Variants in PLCB4 observed in about 807,000 individuals in gnomAD.
PLCB4 encodes the protein phospholipase C beta 4.
Under a neutral mutation model 178.8 loss-of-function variants are expected in PLCB4, and 77 were observed. That is an observed-to-expected ratio of 0.43 (90% CI 0.36 to 0.52). The LOEUF is 0.52. Among genes scored for constraint, PLCB4 ranks in the 20% least tolerant of loss-of-function variants. The probability of loss-of-function intolerance (pLI) is 0.00; values close to 1 mark genes in which losing one functional copy is unlikely to be tolerated. For synonymous variants in PLCB4, 496 were observed against 490.8 expected, an observed-to-expected ratio of 1.01 and a Z score of -0.14; for missense variants, 1,024 against 1,453.4, an observed-to-expected ratio of 0.70 and a Z score of 4.80.
At chr20:9,149,028 A>T (rs1177431590) in intron 2 of PLCB4, among the ~76,000 whole-genome samples, 2 of 152,138 alleles carry the variant, frequency 1.3e-5, no homozygotes, top group African/African-American at 4.8e-5. Context: ...GTTTGTTTTC[A>T]GAGGGTTCCC....
intron 2 of PLCB4, among the ~76,000 whole-genome samples, chr20:9,155,372 C>G (rs2092770922): frequency 6.6e-6 from 1 of 152,080 alleles, no homozygotes; most frequent in Non-Finnish European, 1.5e-5. Flanking sequence ...TAGGTTGGTT[C>G]CACATCTTTG....
At chr20:9,255,152 G>T (rs566473974) in intron 3 of PLCB4, among the ~76,000 whole-genome samples, 2 of 152,146 alleles carry the variant, frequency 1.3e-5, no homozygotes, top group Admixed American at 1.3e-4. Context: ...TTAATGGTGC[G>T]CTCACCAATA....
chr20:9,145,421 CA>C (rs2092579299), intron 2 of PLCB4, among the ~76,000 whole-genome samples: 1 of 152,034 alleles, frequency 6.6e-6, no homozygotes, highest in Non-Finnish European at 1.5e-5. Context: ...ATATTTTTGA[CA>C]AGTGCTCTCA....
intron 17 of PLCB4, among the ~76,000 whole-genome samples, chr20:9,393,372 A>T (rs1224896317): frequency 6.6e-6 from 1 of 152,154 alleles, no homozygotes; most frequent in Non-Finnish European, 1.5e-5. Context: ...CACCTCTGGA[A>T]ACTATGTGGA....
At position 9,342,925 on chromosome 20, in the gene PLCB4, G is replaced by A. The variant is rs575494022; in HGVS notation, c.369+3888G>A. On this transcript the variant is annotated intron_variant, in intron 7 of 39. Transcript: ENST00000378473. ...CAATGCCCTTTCTTTCCACAAGATC[G>A]TGTCATTGGTTTACGCAATTTTTAT... is the stretch of plus-strand genomic sequence containing the variant. Among the ~76,000 whole-genome samples the A allele has an allele frequency of 2.6e-5, 4 of 152,158 alleles. No homozygotes were observed. The South Asian group carries it at 6.2e-4, about 24-fold the overall frequency.
At chr20:9,238,828 T>C (rs1278036601) in intron 3 of PLCB4, among the ~76,000 whole-genome samples, 1 of 152,230 alleles carries the variant, frequency 6.6e-6, no homozygotes, top group East Asian at 1.9e-4. Flanking sequence ...TTGGAAAGTA[T>C]AACATTTTAG....
intron 1 of PLCB4, among the ~76,000 whole-genome samples, chr20:9,090,821 A>C (rs1370327347): frequency 1.3e-5 from 2 of 152,202 alleles, no homozygotes; most frequent in South Asian, 4.1e-4. Context: ...TTTCACTGAG[A>C]TGTTTACTGG....
intron 2 of PLCB4, among the ~76,000 whole-genome samples, chr20:9,190,610 G>C (rs1309676743): frequency 3.3e-5 from 5 of 152,144 alleles, no homozygotes; most frequent in Admixed American, 6.5e-5. Flanking sequence ...TGGATATTTG[G>C]AATGATTAAC....
intron 3 of PLCB4, among the ~76,000 whole-genome samples, chr20:9,251,717 TAATAAATGACTGG>T (rs2094182773): frequency 5.8e-5 from 5 of 85,994 alleles, no homozygotes; most frequent in Non-Finnish European, 1.5e-4. Flanking sequence ...TTACTGGCAA[TAATAAATGACTGG>T]CAATAATAAA....
At chr20:9,099,882 C>T (rs1171529781) in intron 2 of PLCB4, among the ~76,000 whole-genome samples, 2 of 152,178 alleles carry the variant, frequency 1.3e-5, no homozygotes, top group African/African-American at 2.4e-5. Context: ...TTTGAATTAA[C>T]ATTTTATTGT....
intron 26 of PLCB4, 63 bp downstream of exon 26, chr20:9,419,972 T>G (rs942718024): frequency 2.1e-6 from 2 of 970,004 alleles, no homozygotes; most frequent in Non-Finnish European, 3.3e-6. Context: ...TGAAAGAAAT[T>G]ATAAAATATT....
chr20:9,430,628 C>T (rs1040745395), intron 28 of PLCB4, among the ~76,000 whole-genome samples: 9 of 152,294 alleles, frequency 5.9e-5, no homozygotes, highest in Non-Finnish European at 1.2e-4. Flanking sequence ...GATAAATCTT[C>T]AGCAGGCTCC....
intron 15 of PLCB4, among the ~76,000 whole-genome samples, 191 bp from the exon 16 acceptor site, chr20:9,389,688 A>G (rs1248291514): frequency 1.3e-5 from 2 of 152,188 alleles, no homozygotes; most frequent in Non-Finnish European, 2.9e-5. Flanking sequence ...AATTGTCATT[A>G]ACCATTAACT....
chr20:9,134,189 G>A (rs1276671855), intron 2 of PLCB4, among the ~76,000 whole-genome samples: 1 of 152,130 alleles, frequency 6.6e-6, no homozygotes, highest in Non-Finnish European at 1.5e-5. Flanking sequence ...GTCTTCCTGA[G>A]TTTCAGAATT....
chr20:9,163,697 A>G (rs1600824575), intron 2 of PLCB4, among the ~76,000 whole-genome samples: 1 of 152,128 alleles, frequency 6.6e-6, no homozygotes, highest in East Asian at 1.9e-4. Context: ...TTAAAACGTG[A>G]ACATTCATAT....
chr20:9,288,381 G>T (rs1022226274), intron 3 of PLCB4, among the ~76,000 whole-genome samples: 1 of 149,578 alleles, frequency 6.7e-6, no homozygotes, highest in African/African-American at 2.5e-5. Context: ...ACATAAAAAG[G>T]CCTTTTTCCT....
At chr20:9,409,974 C>G (rs540563147) in intron 24 of PLCB4, among the ~76,000 whole-genome samples, 1 of 152,230 alleles carries the variant, frequency 6.6e-6, no homozygotes, top group East Asian at 1.9e-4. Context: ...AAAACAAAAC[C>G]AGAAAGCTCT....
intron 35 of PLCB4, among the ~76,000 whole-genome samples, chr20:9,462,427 A>G (rs2122498079): frequency 6.6e-6 from 1 of 152,328 alleles, no homozygotes; most frequent in Admixed American, 6.5e-5. Flanking sequence ...TGACAAGTTG[A>G]CAGAAGTGGG....
chr20:9,380,012 C>T (rs546440984), intron 12 of PLCB4, 42 bp from the exon 13 acceptor site: 1 of 1,042,312 alleles, frequency 9.6e-7, no homozygotes, highest in South Asian at 1.4e-5. Context: ...TGCCTCAAGG[C>T]CAAGAAATAT....
Sources: allele counts gnomAD v4.1 joint callset (sites outside exome capture counted in the v4.1 genomes callset), GRCh38; gene constraint gnomAD v4.1.1; transcripts MANE v1.5; gene names NCBI Gene and HGNC (gene_info 2026-07-23, HGNC 2026-07-21).